Variants in KIAA1210 observed in about 807,000 individuals in gnomAD.
KIAA1210 encodes the protein acrosomal protein KIAA1210.
KIAA1210 carries 48 observed loss-of-function variants against 78.9 expected under a neutral mutation model. That is an observed-to-expected ratio of 0.61 (90% CI 0.48 to 0.77). KIAA1210 has a LOEUF of 0.77. Ranked by LOEUF, KIAA1210 falls within the 30% of genes least tolerant of loss-of-function variation. The pLI is 0.00. For synonymous variants in KIAA1210, 406 were observed against 404.5 expected (o/e 1.00, Z -0.04); for missense variants, 1,108 against 1,100.0 (o/e 1.01, Z -0.10).
At chrX:119,098,342 C>T (rs976555260) in intron 6 of KIAA1210, among the ~76,000 whole-genome samples, 4 of 111,801 alleles carry the variant, frequency 3.6e-5, no homozygotes, top group Admixed American at 9.5e-5. Flanking sequence ...GGTGGGCTCA[C>T]GCCTGTAATC....
Position 119,096,534 on chromosome X carries a change from G to A in KIAA1210, c.806C>T (p.Thr269Ile). The stretch of plus-strand genomic sequence containing the variant: ...CTTCTTTTGTTTGCGGGGATTTAAA[G>A]TCATTTTGTGGCGAGCAGCTGAAGA... ...LDSSAARHKM[T>I]LNPRKQKKNL... is the part of the protein sequence containing the mutation. Residue 269 changes from threonine to isoleucine, a missense_variant, in exon 7 of 12, where the codon ACT becomes ATT. Thr to Ile is a moderately conservative substitution (Grantham distance 89). Around this residue, in one of 5 missense-constraint regions of KIAA1210, gnomAD observed 672 missense variants for 607.1 expected, o/e 1.11. Coordinates refer to ENST00000691062, the MANE Select transcript of KIAA1210 (RefSeq NM_001394962.1). The A allele has an allele frequency of 1.7e-6, 2 of 1,211,016 alleles. No individual in the cohort carries two copies. Among genetic ancestry groups the A allele is most frequent in the Non-Finnish European group, 2.2e-6 (2 of 895,137 alleles).
intron 2 of KIAA1210, among the ~76,000 whole-genome samples, chrX:119,146,324 C>A (rs941942608): frequency 3.6e-5 from 4 of 111,964 alleles, no homozygotes; most frequent in African/African-American, 1.3e-4. Context: ...CAAGAAAATA[C>A]ATAAATTTCT....
At position 119,089,488 on chromosome X, in the gene KIAA1210, T is replaced by C; in HGVS notation, c.1214A>G (p.Asn405Ser). Residue 405 changes from asparagine (N) to serine (S), a missense_variant, in exon 9 of 12, where the codon AAT becomes AGT. Physicochemically the swap from Asn to Ser is conservative, Grantham distance 46. Around this residue, in one of 5 missense-constraint regions of KIAA1210, gnomAD observed 672 missense variants for 607.1 expected, o/e 1.11. Transcript: ENST00000691062. ...TAAGGACAAGTGCGAGAAAGGGACA[T>C]TCCTGGCAGTCTTATTGGTAGGTGA... ...GSSPTNKTAR[N>S]VPFSHLSLEK... is the part of the protein sequence containing the mutation. 8.3e-7 allele frequency: 1 copy of C among 1,211,975 alleles called. No homozygotes were observed.
chrX:119,091,134 T>C (rs1410574320), intron 8 of KIAA1210, among the ~76,000 whole-genome samples: 2 of 112,414 alleles, frequency 1.8e-5, no homozygotes, highest in African/African-American at 6.5e-5. Flanking sequence ...AAATGCTCAA[T>C]GTCACTAATC....
At chrX:119,119,837 G>A (rs1212748635) in intron 2 of KIAA1210, among the ~76,000 whole-genome samples, 1 of 110,337 alleles carries the variant, frequency 9.1e-6, no homozygotes, top group Admixed American at 9.6e-5. Flanking sequence ...TTAGCTGGGC[G>A]CGGTGGCAGG....
chrX:119,135,950 A>G (rs1242092044), intron 2 of KIAA1210, among the ~76,000 whole-genome samples: 5 of 110,916 alleles, frequency 4.5e-5, no homozygotes, highest in Non-Finnish European at 9.4e-5. Flanking sequence ...GCTACTCGGG[A>G]GGCTGAGGCA....
In KIAA1210 at chrX:119,083,094, T is replaced by C. The variant is rs747482768; in HGVS notation, c.4347A>G (p.Gln1449=). Reference sequence around the variant, plus strand: ...CACTGGAAGTGAACATCTTTTTAGGTTGGTTTTCATTTGCAGAGCCAGCTC... The same window carrying C: ...CACTGGAAGTGAACATCTTTTTAGGCTGGTTTTCATTTGCAGAGCCAGCTC... The part of the protein sequence containing the change: ...YEGAGSANEN[Q]PKKMFTSSVH... The change falls in exon 11 of 12, where the codon CAA becomes CAG. Residue 1449 remains glutamine (Q), a synonymous_variant. Coordinates refer to ENST00000691062, the MANE Select transcript of KIAA1210 (RefSeq NM_001394962.1). The C allele has an allele frequency of 2.3e-5, 28 of 1,206,195 alleles. No homozygotes were observed. The highest frequency in any genetic ancestry group is 3.1e-5 in the Non-Finnish European group (28 of 892,791).
intron 4 of KIAA1210, 147 bp downstream of exon 4, chrX:119,108,929 T>C (rs1927982388): frequency 3.9e-6 from 2 of 512,540 alleles, no homozygotes; most frequent in African/African-American, 4.8e-5. Context: ...ATACATTCTG[T>C]CACTCAAGGC....
Position 119,103,050 on chromosome X carries a change from C to T in KIAA1210, c.648+1942G>A, listed in dbSNP as rs144420855. 3.0e-3 allele frequency among the ~76,000 whole-genome samples: 340 copies of T among 112,000 alleles called. 4 individuals carry two copies. The highest frequency in any genetic ancestry group is 0.01 in the African/African-American group (321 of 30,834). ...CAACCATTTGTCTCTTATCTTCCCA[C>T]ACCTTTTAAAAATGTGGTCATCTTT... On this transcript the variant is annotated intron_variant, in intron 6 of 11. Coordinates refer to ENST00000691062, the MANE Select transcript of KIAA1210 (RefSeq NM_001394962.1).
intron 5 of KIAA1210, 85 bp downstream of exon 5, chrX:119,108,252 C>A (rs1927949747): frequency 4.2e-6 from 4 of 958,768 alleles, no homozygotes; most frequent in Non-Finnish European, 5.8e-6. Flanking sequence ...GGTCACACAG[C>A]CAGTAAGTAG....
At chrX:119,119,223 T>G (rs1474388900) in intron 2 of KIAA1210, among the ~76,000 whole-genome samples, 1 of 112,679 alleles carries the variant, frequency 8.9e-6, no homozygotes, top group African/African-American at 3.2e-5. Flanking sequence ...TGGATTCAAT[T>G]CTATCTCATT....
At chrX:119,099,055 G>A (rs1453928619) in intron 6 of KIAA1210, among the ~76,000 whole-genome samples, 1 of 112,020 alleles carries the variant, frequency 8.9e-6, no homozygotes, top group Admixed American at 9.5e-5. Context: ...AAAGGTAAAA[G>A]GAGAAAAACA....
intron 1 of KIAA1210, among the ~76,000 whole-genome samples, chrX:119,126,865 C>T (rs1603271231): frequency 8.9e-6 from 1 of 111,784 alleles, no homozygotes; most frequent in Non-Finnish European, 1.9e-5. Flanking sequence ...GAGCCCAGGG[C>T]TTTGAGACCA....
At chrX:119,117,679 G>A (rs901808650) in intron 2 of KIAA1210, among the ~76,000 whole-genome samples, 5 of 106,655 alleles carry the variant, frequency 4.7e-5, no homozygotes, top group African/African-American at 1.7e-4. Context: ...AGCCATCCTC[G>A]CACCTTGCAC....
At chrX:119,099,346 CA>C (rs1313389912) in intron 6 of KIAA1210, among the ~76,000 whole-genome samples, 1 of 112,158 alleles carries the variant, frequency 8.9e-6, no homozygotes, top group Non-Finnish European at 1.9e-5. Flanking sequence ...TTTCCAATCA[CA>C]GCCGAAGCCA....
chrX:119,139,283 G>A (rs1472119457), intron 2 of KIAA1210, among the ~76,000 whole-genome samples: 1 of 111,661 alleles, frequency 9.0e-6, no homozygotes, highest in Non-Finnish European at 1.9e-5. Context: ...ACAGGGCATG[G>A]CTGAAACAGA....
rs778251097 is a variant in KIAA1210, at chrX:119,086,756, C to T, written c.3946G>A (p.Glu1316Lys). 3.3e-6 allele frequency: 4 copies of T among 1,208,563 alleles called. No individual in the cohort carries two copies. The African/African-American group carries it at 7.0e-5, about 21-fold the overall frequency. Residue 1316 changes from glutamate (E) to lysine (K), a missense_variant, in exon 9 of 12, where the codon GAG (glutamate) becomes AAG (lysine). By Grantham distance (56) the Glu-to-Lys change is moderately conservative (BLOSUM62 1). Around this residue, in one of 5 missense-constraint regions of KIAA1210, gnomAD observed 245 missense variants for 278.8 expected, o/e 0.88. Transcript: ENST00000691062. ...RAPPSQKYKSEKQDNFTQLAS... is the reference protein window; with the variant it reads ...RAPPSQKYKSKKQDNFTQLAS... ...AGCTGGGTGAAGTTATCTTGTTTCT[C>T]ACTCTTATACTTCTGCGAGGGAGGG...
At chrX:119,108,143 A>C (rs1426080361) in intron 5 of KIAA1210, among the ~76,000 whole-genome samples, 194 bp downstream of exon 5, 1 of 111,794 alleles carries the variant, frequency 8.9e-6, no homozygotes, top group Non-Finnish European at 1.9e-5. Flanking sequence ...CTGAGTCTTC[A>C]TTCAATCCTC....
intron 2 of KIAA1210, 51 bp from the exon 3 acceptor site, chrX:119,116,715 C>T (rs1008788784): frequency 1.1e-4 from 125 of 1,087,501 alleles, no homozygotes; most frequent in Non-Finnish European, 1.5e-4. Context: ...GAAGGGAAGA[C>T]AGGAGAGGAA....
Sources: allele counts gnomAD v4.1 joint callset (sites outside exome capture counted in the v4.1 genomes callset), GRCh38; gene constraint gnomAD v4.1.1; regional missense constraint gnomAD v4.1.1; transcripts MANE v1.5; gene names NCBI Gene and HGNC (gene_info 2026-07-23, HGNC 2026-07-21).